The following VAMP7 variants were observed in gnomAD, a reference collection of about 807,000 sequenced individuals.
The protein encoded by VAMP7 is vesicle associated membrane protein 7, also known as vesicle-associated membrane protein 7.
In VAMP7, 14 loss-of-function variants were observed where a neutral mutation model predicts 29.6. That is an observed-to-expected ratio of 0.47 (90% confidence interval 0.31 to 0.74). The LOEUF (loss-of-function observed/expected upper bound fraction) is 0.74, where lower values mean the gene tolerates loss of function less well. Among genes scored for constraint, VAMP7 ranks in the 30% least tolerant of loss-of-function variants. The pLI is 0.05. For synonymous variants in VAMP7, 95 were observed against 88.1 expected, an observed-to-expected ratio of 1.08 and a Z score of -0.44; for missense variants, 223 against 262.4, an observed-to-expected ratio of 0.85 and a Z score of 1.04.
intron 5 of VAMP7, among the ~76,000 whole-genome samples, chrX:155,902,807 C>G (rs1189890571): frequency 6.7e-6 from 1 of 148,974 alleles, no homozygotes; most frequent in African/African-American, 2.5e-5. Context: ...CAATGTTCAT[C>G]AAGGATATTG....
intron 6 of VAMP7, among the ~76,000 whole-genome samples, chrX:155,930,500 A>AG (rs1447543437): frequency 6.6e-6 from 1 of 151,488 alleles, no homozygotes; most frequent in Non-Finnish European, 1.5e-5. Context: ...AAAAAAAAAA[A>AG]AAAAATAGGT....
intron 5 of VAMP7, among the ~76,000 whole-genome samples, chrX:155,913,648 G>T (rs140015480): frequency 2.6e-5 from 4 of 152,084 alleles, no homozygotes; most frequent in African/African-American, 9.7e-5. Context: ...CCCATTGCTT[G>T]TTTTTGTCAG....
At chrX:155,902,011 A>G (rs748933293) in intron 5 of VAMP7, among the ~76,000 whole-genome samples, 6 of 152,200 alleles carry the variant, frequency 3.9e-5, no homozygotes, top group Admixed American at 1.3e-4. Context: ...TGAACATGGA[A>G]TGTTCTTCCA....
chrX:155,884,272 C>T (rs1355629835), intron 1 of VAMP7, among the ~76,000 whole-genome samples: 3 of 151,846 alleles, frequency 2.0e-5, no homozygotes, highest in Non-Finnish European at 2.9e-5. Flanking sequence ...GAATTACAGG[C>T]GTGCGCCACC....
At chrX:155,898,865 A>G (rs2066022634) in intron 4 of VAMP7, among the ~76,000 whole-genome samples, 2 of 152,118 alleles carry the variant, frequency 1.3e-5, no homozygotes, top group African/African-American at 4.8e-5. Context: ...AGAATCATAC[A>G]GTATGTAAAC....
chrX:155,941,156 AAAAT>A (rs1419373948), intron 7 of VAMP7, among the ~76,000 whole-genome samples: 4 of 152,182 alleles, frequency 2.6e-5, no homozygotes, highest in African/African-American at 9.7e-5. Context: ...ACAAAAATAA[AAAAT>A]AAAAAATAAA....
Position 155,941,870 on chromosome X carries a change from C to T in VAMP7, c.595-13C>T, listed in dbSNP as rs754539784. The T allele has an allele frequency of 4.3e-6, 7 of 1,611,904 alleles. No homozygotes were observed. The highest frequency in any genetic ancestry group is 1.6e-4 in the Middle Eastern group (1 of 6,064). ...GATTCAAGAAAATAAAATTGCTCTCCTCGTCCCTCCAGGTGTTCATCTATA... is the reference window on the plus strand; with the variant it reads ...GATTCAAGAAAATAAAATTGCTCTCTTCGTCCCTCCAGGTGTTCATCTATA... On this transcript the variant is annotated splice_polypyrimidine_tract_variant and intron_variant, in intron 7 of 7. Coordinates refer to ENST00000286448, the MANE Select transcript of VAMP7 (RefSeq NM_005638.6).
intron 5 of VAMP7, among the ~76,000 whole-genome samples, chrX:155,907,670 C>A (rs1173803942): frequency 3.9e-5 from 6 of 152,082 alleles, no homozygotes; most frequent in East Asian, 1.9e-4. Context: ...CCCATGTCTA[C>A]TTCTTTCTTC....
At chrX:155,930,161 C>T (rs2066527153) in intron 6 of VAMP7, among the ~76,000 whole-genome samples, 1 of 152,112 alleles carries the variant, frequency 6.6e-6, no homozygotes, top group Non-Finnish European at 1.5e-5. Flanking sequence ...CCTTAGTGTT[C>T]AGAGTTTTTA....
In VAMP7 at chrX:155,898,105, T is replaced by C. The variant is rs1381951055; in HGVS notation, c.205-7T>C. Reference sequence around the variant, plus strand: ...TAAATGTGAGTTCTGTGTTGATCTCTTTTCAGGATTTTGAACGTTCCCGAG... The same window carrying C: ...TAAATGTGAGTTCTGTGTTGATCTCCTTTCAGGATTTTGAACGTTCCCGAG... On this transcript the variant is annotated splice_region_variant and splice_polypyrimidine_tract_variant and intron_variant, in intron 3 of 7. Transcript: ENST00000286448. 2 of 1,611,480 alleles carry C rather than the reference T, an allele frequency of 1.2e-6. No homozygotes were observed. The highest frequency in any genetic ancestry group is 2.7e-5 in the African/African-American group (2 of 74,608).
At chrX:155,893,467 C>T (rs1216873230) in intron 2 of VAMP7, among the ~76,000 whole-genome samples, 1 of 152,164 alleles carries the variant, frequency 6.6e-6, no homozygotes, top group East Asian at 1.9e-4. Context: ...GGGAAAGGGA[C>T]TATGATATAA....
chrX:155,942,400 A>G lies in VAMP7; in HGVS notation c.*449A>G, dbSNP rs2066759363. The G allele has an allele frequency of 4.2e-6, 2 of 476,826 alleles. No homozygotes were observed. Among genetic ancestry groups the G allele is most frequent in the Non-Finnish European group, 7.4e-6 (2 of 271,356 alleles). The allele number at this position is 476,826 out of a possible 1,614,324, so 29.5% of individuals were successfully genotyped here. A position where few individuals can be genotyped will look rare whatever the true frequency, so the allele number is the denominator to read the frequency against. ...GAGAAGTTTTAGGTGCTTCAAAACA[A>G]TATAAATGGATAATAGTTGTTATTT... On this transcript the variant is annotated 3_prime_UTR_variant, in exon 8 of 8. Coordinates refer to ENST00000286448, the MANE Select transcript of VAMP7 (RefSeq NM_005638.6).
chrX:155,930,708 A>AAT (rs953388537), intron 6 of VAMP7, among the ~76,000 whole-genome samples: 1 of 150,130 alleles, frequency 6.7e-6, no homozygotes, highest in East Asian at 1.9e-4. Context: ...TTTTTTTATA[A>AAT]ATATATATAT....
chrX:155,907,925 G>T (rs749843665), intron 5 of VAMP7, among the ~76,000 whole-genome samples: 1 of 152,046 alleles, frequency 6.6e-6, no homozygotes, highest in Non-Finnish European at 1.5e-5. Flanking sequence ...CAGAAGGGGC[G>T]GCGGGGCAGA....
chrX:155,921,563 T>A (rs959719965), intron 6 of VAMP7, among the ~76,000 whole-genome samples: 3 of 152,114 alleles, frequency 2.0e-5, no homozygotes, highest in African/African-American at 2.4e-5. Flanking sequence ...TTATTCTTTT[T>A]TATTGTTTTA....
intron 6 of VAMP7, among the ~76,000 whole-genome samples, chrX:155,924,616 T>C (rs1277362859): frequency 6.6e-6 from 1 of 152,158 alleles, no homozygotes; most frequent in Non-Finnish European, 1.5e-5. Context: ...ATGCTAACAA[T>C]CACCTGAGCC....
At chrX:155,888,772 G>A (rs1332271596) in intron 1 of VAMP7, among the ~76,000 whole-genome samples, 2 of 152,114 alleles carry the variant, frequency 1.3e-5, no homozygotes, top group Non-Finnish European at 2.9e-5. Flanking sequence ...TACAGTAAAA[G>A]GCTAAGATTA....
chrX:155,903,931 A>G (rs1393490014), intron 5 of VAMP7, among the ~76,000 whole-genome samples: 1 of 152,062 alleles, frequency 6.6e-6, no homozygotes, highest in Non-Finnish European at 1.5e-5. Flanking sequence ...CAGTATTCAC[A>G]ATAGCAAAGA....
At chrX:155,913,667 A>G (rs2066270049) in intron 5 of VAMP7, among the ~76,000 whole-genome samples, 1 of 152,154 alleles carries the variant, frequency 6.6e-6, no homozygotes, top group South Asian at 2.1e-4. Flanking sequence ...AGGTTTGTCA[A>G]AGATCAGATG....
Sources: gnomAD v4.1 joint callset for allele counts (sites outside exome capture counted in the v4.1 genomes callset) on GRCh38, gnomAD v4.1.1 for gene constraint, MANE v1.5 for transcripts, NCBI Gene and HGNC (gene_info 2026-07-23, HGNC 2026-07-21) for gene names.